The following RGS7 variants were observed in gnomAD, a reference collection of about 807,000 sequenced individuals.
RGS7 encodes the protein regulator of G-protein signaling 7.
A neutral mutation model predicts 81.1 loss-of-function variants in RGS7; 27 were observed. The observed-to-expected ratio is 0.33, with a 90% CI of 0.25 to 0.46. The LOEUF is 0.46. Ranked by LOEUF, RGS7 falls within the 20% of genes least tolerant of loss-of-function variation. RGS7 has a pLI of 1.00. For synonymous variants in RGS7, 208 were observed against 207.7 expected, an observed-to-expected ratio of 1.00 and a Z score of -0.01; for missense variants, 396 against 607.4, an observed-to-expected ratio of 0.65 and a Z score of 3.66.
intron 6 of RGS7, among the ~76,000 whole-genome samples, chr1:240,926,652 G>A (rs977888492): frequency 1.3e-5 from 2 of 152,124 alleles, no homozygotes; most frequent in African/African-American, 4.8e-5. Context: ...GCTCTCTTGA[G>A]TTTTCCTGTG....
At chr1:240,807,727 T>C (rs909462195) in intron 14 of RGS7, among the ~76,000 whole-genome samples, 3 of 152,138 alleles carry the variant, frequency 2.0e-5, no homozygotes, top group Non-Finnish European at 4.4e-5. Context: ...TTAGACACTG[T>C]GCACTCTAAT....
At chr1:240,999,311 C>T (rs1308300993) in intron 3 of RGS7, among the ~76,000 whole-genome samples, 1 of 151,814 alleles carries the variant, frequency 6.6e-6, no homozygotes, top group Non-Finnish European at 1.5e-5. Context: ...CCTGGCCACA[C>T]TGGAAGAAGA....
At chr1:241,096,000 C>G (rs2064222745) in intron 3 of RGS7, among the ~76,000 whole-genome samples, 1 of 152,188 alleles carries the variant, frequency 6.6e-6, no homozygotes, top group African/African-American at 2.4e-5. Context: ...GTTAGATTTA[C>G]AACATTTGCG....
intron 9 of RGS7, among the ~76,000 whole-genome samples, chr1:240,860,606 G>A (rs189116229): frequency 4.6e-5 from 7 of 151,992 alleles, no homozygotes; most frequent in Admixed American, 1.3e-4. Flanking sequence ...CGCTTGCTTC[G>A]CCAGGCTATT....
At chr1:240,944,330 A>ATG (rs1678227749) in intron 4 of RGS7, among the ~76,000 whole-genome samples, 1 of 116,464 alleles carries the variant, frequency 8.6e-6, no homozygotes, top group Non-Finnish European at 1.7e-5. Flanking sequence ...ATATATATAT[A>ATG]TATGTTAGGT....
Position 241,026,588 on chromosome 1 carries a change from C to CA in RGS7, c.176-43460dup, listed in dbSNP as rs1404495032. On this transcript the variant is annotated intron_variant, in intron 3 of 18. Transcript: ENST00000440928. The stretch of plus-strand genomic sequence containing the variant: ...TGTGTGACAGAGTGAGACTCTGTCT[C>CA]AAAAAAAAAAAAATTATTGAGTGCT... Among the ~76,000 whole-genome samples, 86 of 135,174 alleles carry CA rather than the reference C, an allele frequency of 6.4e-4. No homozygotes were observed. In the Middle Eastern group the frequency reaches 0.011, roughly 17 times the overall value. The allele number at this position is 135,174 out of a possible 152,430, so 88.7% of individuals were successfully genotyped here.
chr1:240,804,537 A>T (rs1050421041), intron 15 of RGS7, among the ~76,000 whole-genome samples: 1 of 151,740 alleles, frequency 6.6e-6, no homozygotes, highest in African/African-American at 2.4e-5. Context: ...TTTCTATAGA[A>T]TTTTTTTTTC....
At chr1:241,168,691 C>A (rs78759867) in intron 2 of RGS7, among the ~76,000 whole-genome samples, 34,186 of 151,558 alleles carry the variant, frequency 0.23, 4,286 homozygotes, top group Admixed American at 0.28. Context: ...TAATCAGGCC[C>A]TTTAAAAAGC....
chr1:241,001,630 G>C (rs1309209777), intron 3 of RGS7, among the ~76,000 whole-genome samples: 1 of 152,186 alleles, frequency 6.6e-6, no homozygotes, highest in Non-Finnish European at 1.5e-5. Context: ...ACCAAGCCAT[G>C]AGGAGTCATG....
chr1:241,166,570 G>A lies in RGS7; in HGVS notation c.79-67808C>T, dbSNP rs150362612. 7.1e-4 allele frequency among the ~76,000 whole-genome samples: 108 copies of A among 152,286 alleles called. 1 individual carries two copies. The highest frequency in any genetic ancestry group is 2.5e-3 in the African/African-American group (103 of 41,562). On this transcript the variant is annotated intron_variant, in intron 2 of 18. Transcript: ENST00000440928. ...TTTGGGTGTAAAAACTTCCTAGAAA[G>A]TGCCTTTAGCGATAATTATTTGCAG...
At chr1:240,912,150 CAAAAAAAAAAAAAAAAAAA>C (rs374318547) in intron 6 of RGS7, among the ~76,000 whole-genome samples, 1 of 55,782 alleles carries the variant, frequency 1.8e-5, no homozygotes, top group Non-Finnish European at 2.8e-5. Flanking sequence ...GATTCTGTCT[CAAAAAAAAAAAAAAAAAAA>C]AAAAAAAAGA....
Position 240,800,723 on chromosome 1 carries a change from T to C in RGS7, c.1414-2A>G. On this transcript the variant is annotated splice_acceptor_variant, in intron 17 of 18. Transcript: ENST00000440928. LOFTEE classifies it high-confidence loss of function. ...TGGGAAAATAGGGATGTTTCTGCCCTATAAAAATAAATGTGTTGAAGGCTT... is the reference window on the plus strand; with the variant it reads ...TGGGAAAATAGGGATGTTTCTGCCCCATAAAAATAAATGTGTTGAAGGCTT... The C allele has an allele frequency of 6.5e-7, 1 of 1,537,494 alleles. No individual in the cohort carries two copies. The highest frequency in any genetic ancestry group is 8.8e-7 in the Non-Finnish European group (1 of 1,136,420).
intron 2 of RGS7, among the ~76,000 whole-genome samples, chr1:241,199,628 T>C (rs560547031): frequency 2.0e-5 from 3 of 149,696 alleles, no homozygotes; most frequent in African/African-American, 7.4e-5. Flanking sequence ...AGGATTTTAA[T>C]GGAATGAATG....
At chr1:240,931,619 A>G in intron 5 of RGS7, among the ~76,000 whole-genome samples, 1 of 152,280 alleles carries the variant, frequency 6.6e-6, no homozygotes. Flanking sequence ...TACAAAAAAT[A>G]AATAAAAATA....
chr1:240,779,529 C>T (rs1683614054), intron 18 of RGS7, among the ~76,000 whole-genome samples: 1 of 152,116 alleles, frequency 6.6e-6, no homozygotes, highest in South Asian at 2.1e-4. Flanking sequence ...AGGAAGATGG[C>T]TGTCTATGAA....
chr1:241,059,924 C>T (rs1472078917), intron 3 of RGS7, among the ~76,000 whole-genome samples: 1 of 152,200 alleles, frequency 6.6e-6, no homozygotes. Context: ...GAAATCTGGA[C>T]ATTAGTCTTA....
At chr1:240,903,318 G>A in intron 6 of RGS7, among the ~76,000 whole-genome samples, 1 of 152,106 alleles carries the variant, frequency 6.6e-6, no homozygotes, top group East Asian at 1.9e-4. Flanking sequence ...CAGAGCACTT[G>A]AAATGTGACT....
chr1:241,246,416 C>T (rs1207296636), intron 2 of RGS7, among the ~76,000 whole-genome samples: 2 of 152,070 alleles, frequency 1.3e-5, no homozygotes, highest in African/African-American at 4.8e-5. Flanking sequence ...AGACCATGTC[C>T]CTGCGGGTAG....
Position 240,986,607 on chromosome 1 carries a change from G to A in RGS7, c.176-3478C>T, listed in dbSNP as rs1225011638. 5.5e-3 allele frequency among the ~76,000 whole-genome samples: 4 copies of A among 724 alleles called. 2 individuals carry two copies. The highest frequency in any genetic ancestry group is 8.7e-3 in the Non-Finnish European group (4 of 462). 0.5% of individuals were successfully genotyped at this position (724 alleles called of 152,430 possible). On this transcript the variant is annotated intron_variant, in intron 3 of 18. Transcript: ENST00000440928. ...TTTTTTTTTTTTTTTTTTTTGAGAC[G>A]GAGTCTCGCTGTCGCCCAGGCTGGA...
Sources: allele counts gnomAD v4.1 joint callset (sites outside exome capture counted in the v4.1 genomes callset), GRCh38; gene constraint gnomAD v4.1.1; transcripts MANE v1.5; gene names NCBI Gene and HGNC (gene_info 2026-07-23, HGNC 2026-07-21).